Variants in ZFR observed in about 807,000 individuals in gnomAD.
ZFR encodes the protein zinc finger RNA-binding protein.
A neutral mutation model predicts 130.7 loss-of-function variants in ZFR; 19 were observed. That is an observed-to-expected ratio of 0.15 (90% CI 0.10 to 0.21). ZFR has a LOEUF of 0.21. ZFR is among the 10% of genes least tolerant of loss of function. ZFR has a pLI of 1.00. For synonymous variants in ZFR, 466 were observed against 456.9 expected (o/e 1.02, Z -0.25); for missense variants, 872 against 1,321.5 (o/e 0.66, Z 5.27).
intron 9 of ZFR, 66 bp downstream of exon 9, chr5:32,399,941 A>G (rs1753407722): frequency 7.3e-7 from 1 of 1,363,224 alleles, no homozygotes; most frequent in Non-Finnish European, 9.9e-7. Context: ...TACACGTAAC[A>G]TATGCTCGTA....
chr5:32,431,799 CAGAATCACCCCAA>C (rs1391657326), intron 2 of ZFR, among the ~76,000 whole-genome samples: 14 of 149,710 alleles, frequency 9.4e-5, no homozygotes, highest in Non-Finnish European at 1.8e-4. Context: ...AACTTCCTCA[CAGAATCACCCCAA>C]AGACAAAGCA....
intron 9 of ZFR, 84 bp downstream of exon 9, chr5:32,399,923 T>C (rs1054038887): frequency 7.5e-6 from 9 of 1,202,198 alleles, no homozygotes; most frequent in Admixed American, 2.7e-5. Context: ...ATTAAGTATA[T>C]TTAATTTTAC....
intron 17 of ZFR, among the ~76,000 whole-genome samples, chr5:32,367,190 T>G (rs1437608871): frequency 2.0e-5 from 3 of 152,028 alleles, no homozygotes; most frequent in African/African-American, 7.2e-5. Flanking sequence ...TCCCAGCACT[T>G]TGGGAGGTCA....
At chr5:32,397,088 C>T (rs1753330973) in intron 10 of ZFR, 131 bp downstream of exon 10, 1 of 986,632 alleles carries the variant, frequency 1.0e-6, no homozygotes, top group East Asian at 2.6e-5. Flanking sequence ...ACATGACATG[C>T]TAATCTTAGA....
At chr5:32,432,146 C>G (rs1754239175) in intron 2 of ZFR, among the ~76,000 whole-genome samples, 1 of 152,044 alleles carries the variant, frequency 6.6e-6, no homozygotes, top group Non-Finnish European at 1.5e-5. Flanking sequence ...AACCTGCCAC[C>G]AAACCCGGGT....
chr5:32,390,295 G>A lies in ZFR; in HGVS notation c.2122C>T (p.Pro708Ser). 2 of 1,613,870 alleles carry A rather than the reference G, an allele frequency of 1.2e-6. No individual in the cohort carries two copies. Among genetic ancestry groups the A allele is most frequent in the Non-Finnish European group, 1.7e-6 (2 of 1,179,766 alleles). Residue 708 changes from proline to serine, a missense_variant, in exon 12 of 20, where the codon CCT becomes TCT. By Grantham distance (74) the Pro-to-Ser change is moderately conservative. This residue lies in a region of ZFR where 225 missense variants were observed against 282.4 expected (regional missense o/e 0.80). Transcript: ENST00000265069. ...CTCACTGCAGGCCCCTGAGGCTGAG[G>A]AGGCATGCCTGGTCGGACTCCCAGA... ...GLLGVRPGMP[P>S]QPQGPAPLRR... is the part of the protein sequence containing the mutation.
intron 8 of ZFR, among the ~76,000 whole-genome samples, chr5:32,402,564 C>T (rs927328689): frequency 6.7e-6 from 1 of 149,284 alleles, no homozygotes; most frequent in African/African-American, 2.5e-5. Flanking sequence ...CAGGAGAATT[C>T]GAGATCAGTC....
At chr5:32,363,358 T>C (rs1752474934) in intron 19 of ZFR, among the ~76,000 whole-genome samples, 1 of 152,214 alleles carries the variant, frequency 6.6e-6, no homozygotes, top group African/African-American at 2.4e-5. Context: ...AAGATGATAA[T>C]ACTAGCTAAC....
intron 15 of ZFR, among the ~76,000 whole-genome samples, chr5:32,380,946 G>C (rs946845921): frequency 7.3e-5 from 11 of 150,540 alleles, no homozygotes; most frequent in African/African-American, 2.7e-4. Flanking sequence ...CACTGCGCCC[G>C]GCCCAAAACA....
chr5:32,369,194 C>T (rs1044550268), intron 17 of ZFR, among the ~76,000 whole-genome samples: 7 of 151,980 alleles, frequency 4.6e-5, no homozygotes, highest in African/African-American at 9.7e-5. Flanking sequence ...GTTCATGTAC[C>T]GTTTGCTGTT....
At chr5:32,444,053 G>A (rs926464550) in intron 2 of ZFR, among the ~76,000 whole-genome samples, 176 bp downstream of exon 2, 1 of 130,092 alleles carries the variant, frequency 7.7e-6, no homozygotes, top group Non-Finnish European at 1.7e-5. Context: ...GGCCGGGCCG[G>A]GCAAGGCGGG....
intron 17 of ZFR, among the ~76,000 whole-genome samples, chr5:32,368,524 T>C (rs1013620790): frequency 2.6e-5 from 4 of 152,178 alleles, no homozygotes; most frequent in East Asian, 1.9e-4. Context: ...GTGTGAGCCA[T>C]TGCACCTGGC....
At chr5:32,390,246 C>T (rs1236207890) in intron 12 of ZFR, 29 bp downstream of exon 12, 2 of 1,598,744 alleles carry the variant, frequency 1.3e-6, no homozygotes, top group Admixed American at 3.4e-5. Flanking sequence ...CAAACTTTCA[C>T]CCCTTGTATC....
At chr5:32,401,388 C>CT (rs1753445446) in intron 8 of ZFR, among the ~76,000 whole-genome samples, 1 of 152,156 alleles carries the variant, frequency 6.6e-6, no homozygotes, top group African/African-American at 2.4e-5. Flanking sequence ...AGCCACCACC[C>CT]TTTAACATGA....
intron 19 of ZFR, among the ~76,000 whole-genome samples, chr5:32,360,305 C>T (rs1419040104): frequency 2.0e-5 from 3 of 152,126 alleles, no homozygotes; most frequent in African/African-American, 7.2e-5. Context: ...TACAAAGTTA[C>T]TCAACTATCA....
At position 32,414,961 on chromosome 5, in the gene ZFR, A is replaced by C; in HGVS notation, c.784+8T>G. ...TTTACTCATTTAAACACAGTTTATC[A>C]GTCTTACCAGAATATGTAACTGCTG... On this transcript the variant is annotated splice_region_variant and intron_variant, in intron 5 of 19. Coordinates refer to ENST00000265069, the MANE Select transcript of ZFR (RefSeq NM_016107.5). 1.2e-6 allele frequency: 2 copies of C among 1,605,954 alleles called. No homozygotes were observed. The highest frequency in any genetic ancestry group is 1.7e-6 in the Non-Finnish European group (2 of 1,174,170).
In ZFR at chr5:32,403,327, G is replaced by A. The variant is rs1210216214; in HGVS notation, c.1295C>T (p.Thr432Ile). Reference sequence around the variant, plus strand: ...TGAAGCAGATACAGCTGTTGAAGAAGTAGCTTGGCTAACAACATTTGGTTC... The same window carrying A: ...TGAAGCAGATACAGCTGTTGAAGAAATAGCTTGGCTAACAACATTTGGTTC... ...STEPNVVSQA[T>I]SSTAVSASKP... Residue 432 changes from threonine to isoleucine, a missense_variant, in exon 8 of 20, where the codon ACT becomes ATT. This residue lies in a region of ZFR where 143 missense variants were observed against 137.9 expected (regional missense o/e 1.04). Transcript: ENST00000265069. The A allele has an allele frequency of 3.1e-6, 5 of 1,614,196 alleles. No homozygotes were observed. The highest frequency in any genetic ancestry group is 1.7e-5 in the Admixed American group (1 of 60,030).
intron 6 of ZFR, among the ~76,000 whole-genome samples, chr5:32,405,481 A>G (rs919325659): frequency 2.0e-5 from 3 of 152,206 alleles, no homozygotes; most frequent in African/African-American, 7.2e-5. Flanking sequence ...ACCACCCAGC[A>G]CAGCAAAAAT....
At chr5:32,397,468 C>T in intron 9 of ZFR, 130 bp from the exon 10 acceptor site, 21 of 1,121,886 alleles carry the variant, frequency 1.9e-5, no homozygotes, top group Middle Eastern at 2.6e-4. Flanking sequence ...TTTTTTTTTT[C>T]CCCAGGACAG....
Sources: gnomAD v4.1 joint callset for allele counts (sites outside exome capture counted in the v4.1 genomes callset) on GRCh38, gnomAD v4.1.1 for gene constraint, gnomAD v4.1.1 regional missense constraint, MANE v1.5 for transcripts, NCBI Gene and HGNC (gene_info 2026-07-23, HGNC 2026-07-21) for gene names.